The following WWOX variants were observed in gnomAD, a reference collection of about 807,000 sequenced individuals.
The protein encoded by WWOX is WW domain containing oxidoreductase, also known as WW domain-containing oxidoreductase.
WWOX carries 69 observed loss-of-function variants against 46.2 expected under a neutral mutation model. That is an observed-to-expected ratio of 1.49 (90% CI 1.23 to 1.82). The LOEUF (loss-of-function observed/expected upper bound fraction) is 1.82. Among genes scored for constraint, WWOX ranks in the 40% most tolerant of loss-of-function variants. The probability of loss-of-function intolerance (pLI) is 0.00; values close to 1 mark genes in which losing one functional copy is unlikely to be tolerated. For synonymous variants in WWOX, 359 were observed against 202.6 expected (o/e 1.77, Z -6.56); for missense variants, 919 against 542.6 (o/e 1.69, Z -6.89).
chr16:78,509,391 T>C (rs1051234406), intron 8 of WWOX, among the ~76,000 whole-genome samples: 4 of 151,612 alleles, frequency 2.6e-5, no homozygotes, highest in Non-Finnish European at 2.9e-5. Flanking sequence ...GTGAGCTGAG[T>C]TTGCACCACT....
chr16:78,704,742 G>C (rs2048295735), intron 8 of WWOX, among the ~76,000 whole-genome samples: 1 of 152,120 alleles, frequency 6.6e-6, no homozygotes, highest in Admixed American at 6.5e-5. Context: ...TTCTGGAAAT[G>C]CTCTATTATT....
intron 8 of WWOX, among the ~76,000 whole-genome samples, chr16:79,099,557 A>G (rs2049148141): frequency 6.6e-6 from 1 of 151,064 alleles, no homozygotes; most frequent in South Asian, 2.1e-4. Context: ...GAATCTAGAA[A>G]TGTAGATTGT....
At chr16:78,674,739 A>G (rs745858128) in intron 8 of WWOX, among the ~76,000 whole-genome samples, 4 of 152,202 alleles carry the variant, frequency 2.6e-5, no homozygotes, top group Non-Finnish European at 5.9e-5. Flanking sequence ...ATCTTTCACT[A>G]TGACTGCAAC....
chr16:78,710,498 A>ATATATATATATATATATATATATTTTTTT (rs941311575), intron 8 of WWOX, among the ~76,000 whole-genome samples: 2 of 132,834 alleles, frequency 1.5e-5, no homozygotes, highest in African/African-American at 5.7e-5. Context: ...ATATATATAT[A>ATATATATATATATATATATATATTTTTTT]TTTATATAAA....
chr16:78,666,143 C>T (rs544128323), intron 8 of WWOX, among the ~76,000 whole-genome samples: 2 of 151,918 alleles, frequency 1.3e-5, no homozygotes, highest in Non-Finnish European at 2.9e-5. Flanking sequence ...AAAAATTAGC[C>T]GAGTGTGGTG....
At chr16:79,094,631 C>G (rs569894792) in intron 8 of WWOX, among the ~76,000 whole-genome samples, 2 of 151,904 alleles carry the variant, frequency 1.3e-5, no homozygotes, top group Non-Finnish European at 2.9e-5. Context: ...CATCTCAGGT[C>G]TGTTTTTTCT....
intron 8 of WWOX, among the ~76,000 whole-genome samples, chr16:78,959,132 C>T (rs897731443): frequency 3.9e-5 from 6 of 152,106 alleles, no homozygotes; most frequent in South Asian, 4.1e-4. Context: ...CCGAACTTAC[C>T]GCTAGGTATT....
At chr16:78,887,315 C>G (rs887414040) in intron 8 of WWOX, among the ~76,000 whole-genome samples, 2 of 152,038 alleles carry the variant, frequency 1.3e-5, no homozygotes, top group African/African-American at 4.8e-5. Flanking sequence ...CAGCCCAACT[C>G]TATTTTAATC....
In WWOX at chr16:79,211,759, G is replaced by A; in HGVS notation, c.1208G>A (p.Arg403Lys). 2 of 1,614,188 alleles carry A rather than the reference G, an allele frequency of 1.2e-6. No homozygotes were observed. The highest frequency in any genetic ancestry group is 1.3e-5 in the African/African-American group (1 of 75,072). Residue 403 changes from arginine to lysine, a missense_variant, in exon 9 of 9, where the codon AGG (arginine) becomes AAG (lysine). Coordinates refer to ENST00000566780, the MANE Select transcript of WWOX (RefSeq NM_016373.4). ...CGGACCCTGTGGGCGCTCAGCGAGAGGCTGATCCAAGAACGGCTTGGCAGC... is the reference window on the plus strand; with the variant it reads ...CGGACCCTGTGGGCGCTCAGCGAGAAGCTGATCCAAGAACGGCTTGGCAGC... Reference protein sequence around the residue: ...TARTLWALSERLIQERLGSQS... With the variant: ...TARTLWALSEKLIQERLGSQS...
intron 8 of WWOX, among the ~76,000 whole-genome samples, chr16:78,514,525 A>T (rs747841491): frequency 1.3e-5 from 2 of 152,220 alleles, no homozygotes; most frequent in Non-Finnish European, 2.9e-5. Flanking sequence ...TGGTACACTT[A>T]GATAGGCATC....
intron 8 of WWOX, among the ~76,000 whole-genome samples, chr16:78,812,735 T>A (rs1012940776): frequency 1.4e-5 from 2 of 147,830 alleles, no homozygotes; most frequent in South Asian, 2.1e-4. Flanking sequence ...TCCCACCCCC[T>A]AAAAAAAAAA....
intron 8 of WWOX, among the ~76,000 whole-genome samples, chr16:79,025,572 GCACAAATAGGTT>G (rs1289969510): frequency 1.3e-5 from 2 of 152,060 alleles, no homozygotes; most frequent in Non-Finnish European, 2.9e-5. Flanking sequence ...CAGGAGAGGG[GCACAAATAGGTT>G]CTCCTCAGAG....
intron 8 of WWOX, among the ~76,000 whole-genome samples, chr16:78,619,361 C>CAG (rs1555505226): frequency 2.8e-5 from 2 of 70,728 alleles, no homozygotes; most frequent in Non-Finnish European, 5.1e-5. Context: ...GACGCCATCT[C>CAG]AAAAAAAAAA....
At chr16:79,011,891 T>G (rs1335489677) in intron 8 of WWOX, among the ~76,000 whole-genome samples, 2 of 152,036 alleles carry the variant, frequency 1.3e-5, no homozygotes, top group African/African-American at 4.8e-5. Flanking sequence ...TGGCCTCCAG[T>G]GATCCTCCCG....
intron 8 of WWOX, among the ~76,000 whole-genome samples, chr16:79,097,165 G>A (rs1487956042): frequency 2.6e-5 from 4 of 151,918 alleles, no homozygotes; most frequent in Non-Finnish European, 5.9e-5. Flanking sequence ...GGCTGCTCTG[G>A]GTCAGTGGAT....
At chr16:79,105,358 C>CA (rs1357224896) in intron 8 of WWOX, among the ~76,000 whole-genome samples, 3 of 152,114 alleles carry the variant, frequency 2.0e-5, no homozygotes, top group African/African-American at 7.2e-5. Flanking sequence ...TCTCAAAACT[C>CA]AGAGAAAAGG....
rs555152971 is a variant in WWOX, at chr16:78,979,221, T to G, written c.1057-232387T>G. ...AAAGAATTCACATTATTAGAGAACA[T>G]TTGGAAAACATACAGAAGTAAAACA... On this transcript the variant is annotated intron_variant, in intron 8 of 8. Coordinates refer to ENST00000566780, the MANE Select transcript of WWOX (RefSeq NM_016373.4). Among the ~76,000 whole-genome samples the G allele has an allele frequency of 2.0e-5, 3 of 152,226 alleles. No individual in the cohort carries two copies. The South Asian group carries it at 6.2e-4, about 32-fold the overall frequency.
chr16:78,811,357 G>T (rs944063563), intron 8 of WWOX, among the ~76,000 whole-genome samples: 2 of 152,076 alleles, frequency 1.3e-5, no homozygotes, highest in African/African-American at 4.8e-5. Flanking sequence ...GTATATTTAT[G>T]TCACTAGAAT....
chr16:78,662,999 G>T (rs897158046), intron 8 of WWOX, among the ~76,000 whole-genome samples: 3 of 151,972 alleles, frequency 2.0e-5, no homozygotes, highest in African/African-American at 7.2e-5. Flanking sequence ...TTGGTTTTTT[G>T]ACTGAGATTA....
Sources: gnomAD v4.1 joint callset for allele counts (sites outside exome capture counted in the v4.1 genomes callset) on GRCh38, gnomAD v4.1.1 for gene constraint, MANE v1.5 for transcripts, NCBI Gene and HGNC (gene_info 2026-07-23, HGNC 2026-07-21) for gene names.